Variants in ROBO1 observed in about 807,000 individuals in gnomAD.
ROBO1 encodes the protein roundabout guidance receptor 1, also known as roundabout homolog 1.
A neutral mutation model predicts 195.9 loss-of-function variants in ROBO1; 149 were observed. The observed-to-expected ratio is 0.76, with a 90% CI of 0.67 to 0.87. The LOEUF is 0.87. ROBO1 is among the 40% of genes least tolerant of loss of function. The probability of loss-of-function intolerance (pLI) is 0.00; values close to 1 mark genes in which losing one functional copy is unlikely to be tolerated. For synonymous variants in ROBO1, 816 were observed against 733.2 expected (o/e 1.11, Z -1.82); for missense variants, 1,933 against 2,068.3 (o/e 0.93, Z 1.27).
At chr3:79,123,142 G>T (rs550680223) in intron 3 of ROBO1, among the ~76,000 whole-genome samples, 1 of 151,952 alleles carries the variant, frequency 6.6e-6, no homozygotes, top group South Asian at 2.1e-4. Flanking sequence ...ACTTCTTGCT[G>T]CTATGCCCAG....
chr3:79,067,953 G>A (rs923868933), intron 3 of ROBO1, among the ~76,000 whole-genome samples: 3 of 151,844 alleles, frequency 2.0e-5, no homozygotes, highest in African/African-American at 7.2e-5. Context: ...GTTGGCCACA[G>A]GTTTTGTTTC....
chr3:79,601,696 A>G (rs2107868658), intron 1 of ROBO1, among the ~76,000 whole-genome samples: 1 of 152,128 alleles, frequency 6.6e-6, no homozygotes, highest in South Asian at 2.1e-4. Flanking sequence ...TAGGCAAGAA[A>G]TCATGGTAGA....
Position 79,535,720 on chromosome 3 carries a change from T to C in ROBO1, c.88+54104A>G, listed in dbSNP as rs115255505. Among the ~76,000 whole-genome samples, 1,199 of 152,200 alleles carry C rather than the reference T, an allele frequency of 7.9e-3. 12 individuals carry two copies. The highest frequency in any genetic ancestry group is 0.022 in the African/African-American group (908 of 41,518). On this transcript the variant is annotated intron_variant, in intron 2 of 30. Transcript: ENST00000464233. ...TTGAGGAGATTTACTCCCTGCCATTTCTTACATGAATGTTGACATGCTAGG... is the reference window on the plus strand; with the variant it reads ...TTGAGGAGATTTACTCCCTGCCATTCCTTACATGAATGTTGACATGCTAGG...
rs182974060 is a variant in ROBO1 at position 79,450,731 on chromosome 3, C to G, written c.88+139093G>C. ...TGAACAACTAAAAATGCTTGAAAAA[C>G]TACAATTTTAAATAATTTCTTATAT... On this transcript the variant is annotated intron_variant, in intron 2 of 30. Transcript: ENST00000464233. Among the ~76,000 whole-genome samples the G allele has an allele frequency of 9.9e-4, 150 of 151,936 alleles. 1 individual carries two copies. The highest frequency in any genetic ancestry group is 3.5e-3 in the African/African-American group (145 of 41,502).
chr3:79,449,674 G>T (rs2039381161), intron 2 of ROBO1, among the ~76,000 whole-genome samples: 1 of 151,874 alleles, frequency 6.6e-6, no homozygotes, highest in Non-Finnish European at 1.5e-5. Flanking sequence ...TTTTTTTCTG[G>T]AAGGAGTCAA....
intron 3 of ROBO1, among the ~76,000 whole-genome samples, chr3:79,008,933 G>GGTTTT (rs1238896349): frequency 3.6e-5 from 5 of 139,348 alleles, no homozygotes; most frequent in South Asian, 4.6e-4. Context: ...GTGTGTGTAT[G>GGTTTT]GTTTTGTTTT....
intron 10 of ROBO1, among the ~76,000 whole-genome samples, chr3:78,675,288 C>T (rs1458723225): frequency 6.6e-6 from 1 of 152,128 alleles, no homozygotes; most frequent in Non-Finnish European, 1.5e-5. Context: ...CCGGGTTCAT[C>T]TCACTAGGGA....
intron 3 of ROBO1, among the ~76,000 whole-genome samples, chr3:78,994,818 T>G (rs969837415): frequency 2.0e-5 from 3 of 152,312 alleles, no homozygotes; most frequent in African/African-American, 4.8e-5. Flanking sequence ...TTACACTGGT[T>G]GAACCCAGAC....
chr3:78,989,281 G>C (rs994510418), intron 3 of ROBO1, among the ~76,000 whole-genome samples: 3 of 152,110 alleles, frequency 2.0e-5, no homozygotes, highest in Admixed American at 2.0e-4. Flanking sequence ...TGAATATAAA[G>C]TTATTCTTTG....
At chr3:79,676,727 C>T (rs914997790) in intron 1 of ROBO1, among the ~76,000 whole-genome samples, 6 of 151,980 alleles carry the variant, frequency 3.9e-5, no homozygotes, top group Non-Finnish European at 7.4e-5. Flanking sequence ...CATTTCACCA[C>T]CTTTGACACA....
intron 1 of ROBO1, among the ~76,000 whole-genome samples, chr3:79,616,369 G>T (rs1233064005): frequency 6.6e-6 from 1 of 152,060 alleles, no homozygotes; most frequent in Non-Finnish European, 1.5e-5. Flanking sequence ...AGAATGTATA[G>T]AAAAAATATA....
intron 4 of ROBO1, among the ~76,000 whole-genome samples, chr3:78,890,619 A>G (rs1016495363): frequency 1.3e-5 from 2 of 152,212 alleles, no homozygotes; most frequent in Non-Finnish European, 2.9e-5. Context: ...TTTGTCCATT[A>G]AGACATACTT....
chr3:79,375,199 C>T (rs1229468326), intron 2 of ROBO1, among the ~76,000 whole-genome samples: 1 of 152,086 alleles, frequency 6.6e-6, no homozygotes, highest in East Asian at 1.9e-4. Flanking sequence ...CATAAGAAAT[C>T]TCACAGTGTT....
intron 2 of ROBO1, among the ~76,000 whole-genome samples, chr3:79,300,469 G>C (rs529140979): frequency 6.6e-6 from 1 of 152,200 alleles, no homozygotes; most frequent in African/African-American, 2.4e-5. Context: ...GGCAGGGCTC[G>C]GGACCTGCAG....
intron 2 of ROBO1, among the ~76,000 whole-genome samples, chr3:79,555,707 C>A (rs548324104): frequency 6.6e-6 from 1 of 152,172 alleles, no homozygotes; most frequent in South Asian, 2.1e-4. Flanking sequence ...AAGATTACTG[C>A]CTATTGCCAT....
intron 1 of ROBO1, among the ~76,000 whole-genome samples, chr3:79,727,317 TAA>T (rs1434780597): frequency 6.6e-6 from 1 of 152,280 alleles, no homozygotes; most frequent in African/African-American, 2.4e-5. Flanking sequence ...TTTGAATTCT[TAA>T]GTTACATTAA....
At chr3:79,367,553 G>T (rs926796980) in intron 2 of ROBO1, among the ~76,000 whole-genome samples, 1 of 152,130 alleles carries the variant, frequency 6.6e-6, no homozygotes, top group Non-Finnish European at 1.5e-5. Context: ...TCTACCCATC[G>T]TTCGTTAAAA....
chr3:79,545,657 A>T (rs1576000821), intron 2 of ROBO1, among the ~76,000 whole-genome samples: 1 of 152,312 alleles, frequency 6.6e-6, no homozygotes, highest in Non-Finnish European at 1.5e-5. Context: ...AGAGTGGAGA[A>T]ATAGGCCTGC....
chr3:78,763,818 A>G (rs2083163186), intron 4 of ROBO1, among the ~76,000 whole-genome samples: 5 of 152,114 alleles, frequency 3.3e-5, no homozygotes, highest in Admixed American at 3.3e-4. Context: ...CGGCAAAGCG[A>G]TTTGCCACCT....
Sources: allele counts gnomAD v4.1 joint callset (sites outside exome capture counted in the v4.1 genomes callset), GRCh38; gene constraint gnomAD v4.1.1; transcripts MANE v1.5; gene names NCBI Gene and HGNC (gene_info 2026-07-23, HGNC 2026-07-21).